The following MBD1 variants were observed in gnomAD, a reference collection of about 807,000 sequenced individuals.
MBD1 encodes methyl-CpG-binding domain protein 1.
Under a neutral mutation model 82.6 loss-of-function variants are expected in MBD1, and 25 were observed. The ratio of observed to expected loss-of-function variants is 0.30; its 90% confidence interval spans 0.22 to 0.42. MBD1 has a LOEUF of 0.42. Ranked by LOEUF, MBD1 falls within the 10% of genes least tolerant of loss-of-function variation. MBD1 has a pLI of 1.00. For synonymous variants in MBD1, 301 were observed against 303.7 expected (o/e 0.99, Z 0.09); for missense variants, 627 against 819.6 (o/e 0.76, Z 2.87).
chr18:50,276,057 T>A (rs550513967), intron 6 of MBD1, 76 bp from the exon 7 acceptor site: 612 of 1,540,758 alleles, frequency 4.0e-4, no homozygotes, highest in African/African-American at 7.6e-4. Context: ...TGACCCTACA[T>A]CAGCTGGCAT....
rs756422610 is a variant in MBD1 at position 50,281,499 on chromosome 18, G to A, written c.-162C>T. ...CGCCTCCTCTGAAGCGGTAGCTGTC[G>A]CCTCCGCGGCTGTTCGTTGCTCCCG... On this transcript the variant is annotated 5_prime_UTR_variant, in exon 1 of 17. Transcript: ENST00000269468. The A allele has an allele frequency of 3.5e-6, 2 of 578,602 alleles. No individual in the cohort carries two copies. The highest frequency in any genetic ancestry group is 6.1e-6 in the Non-Finnish European group (2 of 325,854). The allele number at this position is 578,602 out of a possible 1,614,324, so 35.8% of individuals were successfully genotyped here. A position where few individuals can be genotyped will look rare whatever the true frequency, so the allele number is the denominator to read the frequency against.
intron 2 of MBD1, 26 bp from the exon 3 acceptor site, chr18:50,277,230 C>A: frequency 6.4e-7 from 1 of 1,558,966 alleles, no homozygotes; most frequent in Middle Eastern, 1.9e-4. Flanking sequence ...GATGGGTTAG[C>A]ACCCAGGTGG....
intron 14 of MBD1, 41 bp downstream of exon 14, chr18:50,272,783 A>C (rs1354184535): frequency 1.2e-6 from 2 of 1,614,244 alleles, no homozygotes; most frequent in South Asian, 2.2e-5. Flanking sequence ...TGTTGGGGCT[A>C]CAGCAGGGTC....
chr18:50,270,049 C>A, intron 16 of MBD1: 1 of 1,597,934 alleles, frequency 6.3e-7, no homozygotes, highest in Non-Finnish European at 8.5e-7. Context: ...AGATCATTGT[C>A]AAAATTACCA....
chr18:50,279,857 G>A (rs2039537282), intron 2 of MBD1, 26 bp downstream of exon 2: 1 of 1,613,648 alleles, frequency 6.2e-7, no homozygotes, highest in South Asian at 1.1e-5. Context: ...CCCCACTCCT[G>A]ACTCTGCCCA....
rs1180891200 is a variant in MBD1 at position 50,276,074 on chromosome 18, G to A, written c.517-93C>T. 6 of 1,502,024 alleles carry A rather than the reference G, an allele frequency of 4.0e-6. No homozygotes were observed. In the South Asian group the frequency reaches 7.2e-5, roughly 18 times the overall value. The allele number at this position is 1,502,024 out of a possible 1,614,324, so 93.0% of individuals were successfully genotyped here. ...ACCCTACATCAGCTGGCATCACCATGAATTTTAGTCCCCCATTAGCCTCAT... is the reference window on the plus strand; with the variant it reads ...ACCCTACATCAGCTGGCATCACCATAAATTTTAGTCCCCCATTAGCCTCAT... On this transcript the variant is annotated intron_variant, in intron 6 of 16. Coordinates refer to ENST00000269468, the MANE Select transcript of MBD1 (RefSeq NM_015846.4).
At chr18:50,272,796 G>A (rs2036151626) in intron 14 of MBD1, 28 bp downstream of exon 14, 2 of 1,614,232 alleles carry the variant, frequency 1.2e-6, no homozygotes, top group Non-Finnish European at 1.7e-6. Flanking sequence ...GCAGGGTCAG[G>A]GCAGGGTGGG....
Position 50,276,711 on chromosome 18 carries a change from C to T in MBD1, c.426G>A (p.Gly142=). 1 of 1,614,178 alleles carries T rather than the reference C, an allele frequency of 6.2e-7. No individual in the cohort carries two copies. Among genetic ancestry groups the T allele is most frequent in the Non-Finnish European group, 8.5e-7 (1 of 1,180,042 alleles). Residue 142 remains glycine (G), a synonymous_variant, in exon 5 of 17, where the codon GGG becomes GGA. Coordinates refer to ENST00000269468, the MANE Select transcript of MBD1 (RefSeq NM_015846.4). ...CCENCGISFS[G]DGTQRQRLKT... ...TGAGCCGCTGCCTTTGGGTGCCATCCCCTGAGAAGCTGATTCCACAGTTCT... is the reference window on the plus strand; with the variant it reads ...TGAGCCGCTGCCTTTGGGTGCCATCTCCTGAGAAGCTGATTCCACAGTTCT...
intron 3 of MBD1, 29 bp from the exon 4 acceptor site, chr18:50,277,027 G>T: frequency 6.2e-7 from 1 of 1,614,216 alleles, no homozygotes; most frequent in Non-Finnish European, 8.5e-7. Flanking sequence ...AGGAATATGG[G>T]TCAGTGGTTG....
intron 16 of MBD1, 104 bp downstream of exon 16, chr18:50,271,365 T>G: frequency 6.3e-7 from 1 of 1,596,602 alleles, no homozygotes; most frequent in South Asian, 1.1e-5. Context: ...GTAGTAGGTT[T>G]TTCCTCCTAG....
Position 50,271,034 on chromosome 18 carries a change from A to G in MBD1, c.*32+435T>C, listed in dbSNP as rs1204742459. ...AAATAAACTGGGTCCACAGAGGAACACACCAAATAGCAGTTCCTTTCCTTA... is the reference window on the plus strand; with the variant it reads ...AAATAAACTGGGTCCACAGAGGAACGCACCAAATAGCAGTTCCTTTCCTTA... On this transcript the variant is annotated intron_variant, in intron 16 of 16. Coordinates refer to ENST00000269468, the MANE Select transcript of MBD1 (RefSeq NM_015846.4). The G allele has an allele frequency of 9.9e-6, 10 of 1,012,540 alleles. No homozygotes were observed. The African/African-American group carries it at 1.4e-4, about 14-fold the overall frequency. The allele number at this position is 1,012,540 out of a possible 1,614,324, so 62.7% of individuals were successfully genotyped here.
In MBD1 at chr18:50,275,943, T is replaced by G; in HGVS notation, c.555A>C (p.Thr185=). 1 of 1,613,816 alleles carries G rather than the reference T, an allele frequency of 6.2e-7. No individual in the cohort carries two copies. The highest frequency in any genetic ancestry group is 8.5e-7 in the Non-Finnish European group (1 of 1,180,016). The change falls in exon 7 of 17, where the codon ACA becomes ACC. Residue 185 remains threonine, a synonymous_variant. Coordinates refer to ENST00000269468, the MANE Select transcript of MBD1 (RefSeq NM_015846.4). ...AGGTGGAGCAGGCCCCACAGTCTTC[T>G]GTTACCTGGCAGGCTGCACACTCCC... ...GCGECAACQV[T]EDCGACSTCL... is the part of the protein sequence containing the mutation.
At chr18:50,273,511 C>T in intron 12 of MBD1, 40 bp from the exon 13 acceptor site, 2 of 1,613,814 alleles carry the variant, frequency 1.2e-6, no homozygotes, top group Non-Finnish European at 1.7e-6. Context: ...GTCTCAGCTC[C>T]CTGGCATGCA....
upstream of MBD1, chr18:50,281,527 A>C: frequency 1.7e-6 from 1 of 572,048 alleles, no homozygotes; most frequent in South Asian, 2.2e-5. Flanking sequence ...TGCTCCCGGA[A>C]CCGGAAGTCC....
chr18:50,269,038 T>C lies in MBD1; in HGVS notation c.*813A>G, dbSNP rs1455062010. 1.0e-6 allele frequency: 1 copy of C among 986,254 alleles called. No homozygotes were observed. The highest frequency in any genetic ancestry group is 1.2e-6 in the Non-Finnish European group (1 of 830,548). The allele number at this position is 986,254 out of a possible 1,614,324, so 61.1% of individuals were successfully genotyped here. ...TTGGAAATCCATTCACCATTTGTAA[T>C]ACATATTGATGCATTTAATAAAATT... On this transcript the variant is annotated 3_prime_UTR_variant, in exon 17 of 17. Coordinates refer to ENST00000269468, the MANE Select transcript of MBD1 (RefSeq NM_015846.4).
downstream of MBD1, chr18:50,267,684 A>T: frequency 6.6e-7 from 1 of 1,507,648 alleles, no homozygotes; most frequent in Non-Finnish European, 8.9e-7. Context: ...ATTAAGAATG[A>T]CACTGTGATA....
intron 2 of MBD1, 65 bp downstream of exon 2, chr18:50,279,815 ACAC>A: frequency 6.2e-7 from 1 of 1,603,782 alleles, no homozygotes; most frequent in Non-Finnish European, 8.5e-7. Context: ...AAATTTAACC[ACAC>A]CATTTGATTT....
chr18:50,276,335 G>A lies in MBD1; in HGVS notation c.516+43C>T, dbSNP rs1479811108. 2.5e-6 allele frequency: 4 copies of A among 1,593,370 alleles called. 1 individual carries two copies. Among genetic ancestry groups the A allele is most frequent in the Middle Eastern group, 3.4e-4 (2 of 5,954 alleles). On this transcript the variant is annotated intron_variant, in intron 6 of 16. Coordinates refer to ENST00000269468, the MANE Select transcript of MBD1 (RefSeq NM_015846.4). ...GACTCTACCAGCTCCATCACATCCTGCTCCCACTGCAGAGTTGTGAAGAGG... is the reference window on the plus strand; with the variant it reads ...GACTCTACCAGCTCCATCACATCCTACTCCCACTGCAGAGTTGTGAAGAGG...
intron 1 of MBD1, 43 bp downstream of exon 1, chr18:50,281,320 T>A: frequency 1.7e-6 from 2 of 1,204,736 alleles, no homozygotes; most frequent in South Asian, 2.6e-5. Context: ...CTTCCCATCC[T>A]CCGCCTGAGC....
Sources: gnomAD v4.1 joint callset for allele counts on GRCh38, gnomAD v4.1.1 for gene constraint, MANE v1.5 for transcripts, NCBI Gene and HGNC (gene_info 2026-07-23, HGNC 2026-07-21) for gene names.